Variants in MR1 observed in about 807,000 individuals in gnomAD.
MR1 encodes the protein major histocompatibility complex class I-related protein 1.
In MR1, 44 loss-of-function variants were observed where a neutral mutation model predicts 37.8. The ratio of observed to expected loss-of-function variants is 1.16; its 90% confidence interval spans 0.91 to 1.50. MR1 has a LOEUF of 1.50. MR1 is among the 40% of genes most tolerant of loss of function. The pLI is 0.00. For missense variants in MR1, 386 were observed against 419.1 expected (o/e 0.92, Z 0.69); for synonymous variants, 153 against 155.8 (o/e 0.98, Z 0.13).
intron 4 of MR1, among the ~76,000 whole-genome samples, chr1:181,053,334 A>G (rs960936859): frequency 6.6e-6 from 1 of 151,958 alleles, no homozygotes; most frequent in Non-Finnish European, 1.5e-5. Flanking sequence ...GTGAGCTATA[A>G]TGGCACCACT....
chr1:181,037,368 A>G (rs556067915), intron 1 of MR1, among the ~76,000 whole-genome samples: 2 of 152,316 alleles, frequency 1.3e-5, no homozygotes, highest in East Asian at 3.9e-4. Flanking sequence ...GTTTCCATGG[A>G]GCTGTTGCCA....
At chr1:181,047,097 A>G (rs987688447) in intron 1 of MR1, among the ~76,000 whole-genome samples, 4 of 151,988 alleles carry the variant, frequency 2.6e-5, no homozygotes, top group Non-Finnish European at 4.4e-5. Flanking sequence ...CCACCTTGAA[A>G]CCACTTTGTC....
rs1658695656 is a variant in MR1, at chr1:181,057,772, A to T, written c.*2507A>T. The T allele has an allele frequency of 6.6e-6, 1 of 152,190 alleles. No homozygotes were observed. Among genetic ancestry groups the T allele is most frequent in the South Asian group, 2.1e-4 (1 of 4,834 alleles). 9.4% of individuals were successfully genotyped at this position (152,190 alleles called of 1,614,324 possible). A position where few individuals can be genotyped will look rare whatever the true frequency, so the allele number is the denominator to read the frequency against. On this transcript the variant is annotated 3_prime_UTR_variant, in exon 6 of 6. Transcript: ENST00000367580. ...ATGCCTGTAATCCCAGCATTTTGGG[A>T]GGCCGAGGTGGGCAGATCACCTGAG...
rs745920673 is a variant in MR1, at chr1:181,033,993, G to A, written c.-15G>A. ...TGTCAGTTTTTGGTTAAAAGAACCC[G>A]GAAAGAGAAGGACTATGGGGGAACT... On this transcript the variant is annotated 5_prime_UTR_variant, in exon 1 of 6. Coordinates refer to ENST00000367580, the MANE Select transcript of MR1 (RefSeq NM_001385161.1). The A allele has an allele frequency of 4.5e-5, 72 of 1,602,984 alleles. 1 individual carries two copies. The highest frequency in any genetic ancestry group is 1.7e-4 in the Middle Eastern group (1 of 6,030).
chr1:181,035,943 A>C (rs1657245795), intron 1 of MR1, among the ~76,000 whole-genome samples: 1 of 152,112 alleles, frequency 6.6e-6, no homozygotes, highest in Non-Finnish European at 1.5e-5. Flanking sequence ...CTTAGAGTGC[A>C]TCCTTCTCTG....
chr1:181,038,475 C>A (rs1657386519), intron 1 of MR1, among the ~76,000 whole-genome samples: 1 of 152,214 alleles, frequency 6.6e-6, no homozygotes, highest in Non-Finnish European at 1.5e-5. Flanking sequence ...CATTGGACTT[C>A]TTGAGAGAGC....
chr1:181,034,979 CA>C (rs1329674838), intron 1 of MR1, among the ~76,000 whole-genome samples: 4 of 152,064 alleles, frequency 2.6e-5, no homozygotes, highest in African/African-American at 9.7e-5. Context: ...TGCATGTGTA[CA>C]TCATAAATTT....
rs183870545 is a variant in MR1 at position 181,059,226 on chromosome 1, G to C, written c.*3961G>C. The C allele has an allele frequency of 6.6e-6, 1 of 152,202 alleles. No individual in the cohort carries two copies. Among genetic ancestry groups the C allele is most frequent in the Non-Finnish European group, 1.5e-5 (1 of 68,038 alleles). 9.4% of individuals were successfully genotyped at this position (152,202 alleles called of 1,614,324 possible). On this transcript the variant is annotated 3_prime_UTR_variant, in exon 6 of 6. Transcript: ENST00000367580. Reference sequence around the variant, plus strand: ...TACATTGTGCTTTTTAGAGGTTGATGATTCCACTGCCTGAGCTGCCTTCAC... The same window carrying C: ...TACATTGTGCTTTTTAGAGGTTGATCATTCCACTGCCTGAGCTGCCTTCAC...
At chr1:181,046,402 T>A (rs1167965779) in intron 1 of MR1, among the ~76,000 whole-genome samples, 1 of 152,136 alleles carries the variant, frequency 6.6e-6, no homozygotes, top group Admixed American at 6.5e-5. Flanking sequence ...CAGCACCCTG[T>A]GTCTAGCTCA....
chr1:181,053,014 G>A (rs965324389), intron 4 of MR1, among the ~76,000 whole-genome samples: 3 of 151,916 alleles, frequency 2.0e-5, no homozygotes, highest in Non-Finnish European at 4.4e-5. Flanking sequence ...GCAGTGAGCC[G>A]AGATCGCACC....
intron 1 of MR1, among the ~76,000 whole-genome samples, chr1:181,043,850 C>A (rs1465801264): frequency 6.6e-6 from 1 of 150,972 alleles, no homozygotes; most frequent in East Asian, 1.9e-4. Context: ...ATAACCTGCA[C>A]ATTATGAGTT....
At position 181,060,133 on chromosome 1, in the gene MR1, C is replaced by T. The variant is rs373410973; in HGVS notation, c.*4868C>T. On this transcript the variant is annotated 3_prime_UTR_variant, in exon 6 of 6. Transcript: ENST00000367580. ...GAAAGGATCTGTTCCAGGCTTCCCT[C>T]CTATCTTCTGGTTGTTCCTTGCCTT... 1.2e-5 allele frequency: 1 copy of T among 80,082 alleles called. No individual in the cohort carries two copies. Among genetic ancestry groups the T allele is most frequent in the East Asian group, 7.8e-4 (1 of 1,284 alleles). 5.0% of individuals were successfully genotyped at this position (80,082 alleles called of 1,614,324 possible).
rs956218673 is a variant in MR1, at chr1:181,059,985, C to T, written c.*4720C>T. 3.3e-5 allele frequency: 5 copies of T among 152,098 alleles called. No individual in the cohort carries two copies. The highest frequency in any genetic ancestry group is 9.7e-5 in the African/African-American group (4 of 41,406). 9.4% of individuals were successfully genotyped at this position (152,098 alleles called of 1,614,324 possible). ...CCTTGTACTGGTTTCCAAGGGTAGT[C>T]GTTTAAAAGTACCACAAAAACTGGG... On this transcript the variant is annotated 3_prime_UTR_variant, in exon 6 of 6. Coordinates refer to ENST00000367580, the MANE Select transcript of MR1 (RefSeq NM_001385161.1).
intron 1 of MR1, among the ~76,000 whole-genome samples, chr1:181,042,164 C>T (rs2102370552): frequency 6.6e-6 from 1 of 151,952 alleles, no homozygotes; most frequent in East Asian, 1.9e-4. Flanking sequence ...TGCAGTTCAA[C>T]TCTCCATTCA....
At position 181,061,867 on chromosome 1, in the gene MR1, C is replaced by T. The variant is rs1658913002; in HGVS notation, c.*6602C>T. The T allele has an allele frequency of 1.3e-5, 2 of 152,194 alleles. No homozygotes were observed. Among genetic ancestry groups the T allele is most frequent in the African/African-American group, 2.4e-5 (1 of 41,448 alleles). The allele number at this position is 152,194 out of a possible 1,614,324, so 9.4% of individuals were successfully genotyped here. A position where few individuals can be genotyped will look rare whatever the true frequency, so the allele number is the denominator to read the frequency against. On this transcript the variant is annotated 3_prime_UTR_variant, in exon 6 of 6. Transcript: ENST00000367580. The stretch of plus-strand genomic sequence containing the variant: ...GTACTCAGGATGAATGGTTTGAGGA[C>T]TGGTCTGAATTCTTCAAAGGTTTCA...
At chr1:181,052,633 G>A (rs1005784862) in intron 4 of MR1, 123 bp downstream of exon 4, 1 of 1,082,998 alleles carries the variant, frequency 9.2e-7, no homozygotes, top group Non-Finnish European at 1.3e-6. Context: ...CTTAGAATGG[G>A]TCTTTTAAAT....
intron 5 of MR1, among the ~76,000 whole-genome samples, chr1:181,053,945 G>C (rs1236773971): frequency 1.3e-5 from 2 of 152,170 alleles, no homozygotes; most frequent in African/African-American, 2.4e-5. Context: ...CCTAGAAGTT[G>C]GGTCAGAGAA....
At chr1:181,044,088 C>G (rs974458015) in intron 1 of MR1, among the ~76,000 whole-genome samples, 1 of 151,624 alleles carries the variant, frequency 6.6e-6, no homozygotes, top group African/African-American at 2.4e-5. Flanking sequence ...CTCAGCCTCC[C>G]AAGTAGCTGG....
intron 1 of MR1, among the ~76,000 whole-genome samples, chr1:181,044,205 C>T (rs550402667): frequency 7.2e-5 from 11 of 152,172 alleles, no homozygotes; most frequent in South Asian, 4.2e-4. Flanking sequence ...CCTCATGATC[C>T]GCCCGCGTCG....
Sources: gnomAD v4.1 joint callset for allele counts (sites outside exome capture counted in the v4.1 genomes callset) on GRCh38, gnomAD v4.1.1 for gene constraint, MANE v1.5 for transcripts, NCBI Gene and HGNC (gene_info 2026-07-23, HGNC 2026-07-21) for gene names.